The following DNM3 variants were observed in gnomAD, a reference collection of about 807,000 sequenced individuals.
DNM3 encodes dynamin-3.
In DNM3, 47 loss-of-function variants were observed where a neutral mutation model predicts 101.6. That is an observed-to-expected ratio of 0.46 (90% CI 0.37 to 0.59). The LOEUF is 0.59. DNM3 is among the 20% of genes least tolerant of loss of function. The pLI is 0.00. For missense variants in DNM3, 849 were observed against 1,085.7 expected, an observed-to-expected ratio of 0.78 and a Z score of 3.06; for synonymous variants, 385 against 387.9, an observed-to-expected ratio of 0.99 and a Z score of 0.09.
intron 2 of DNM3, among the ~76,000 whole-genome samples, chr1:171,937,671 C>T (rs973628311): frequency 1.3e-5 from 2 of 152,126 alleles, no homozygotes; most frequent in African/African-American, 4.8e-5. Context: ...CCAGGCTCAA[C>T]CTATTATCCT....
chr1:172,036,626 C>A (rs541006416), intron 6 of DNM3, among the ~76,000 whole-genome samples: 162 of 152,220 alleles, frequency 1.1e-3, no homozygotes, highest in African/African-American at 3.9e-3. Flanking sequence ...CTTCCTTACA[C>A]CTTATACAAA....
At chr1:172,324,704 TTTAG>T (rs2065869932) in intron 17 of DNM3, among the ~76,000 whole-genome samples, 1 of 152,192 alleles carries the variant, frequency 6.6e-6, no homozygotes, top group Non-Finnish European at 1.5e-5. Flanking sequence ...AACCAATATT[TTTAG>T]TTCTTATACC....
chr1:172,324,596 A>G (rs930839202), intron 17 of DNM3, among the ~76,000 whole-genome samples: 3 of 152,194 alleles, frequency 2.0e-5, no homozygotes, highest in Admixed American at 2.0e-4. Flanking sequence ...ACAGCAGGTA[A>G]CTTTTGAAAT....
At chr1:172,084,439 A>T (rs16843801) in intron 12 of DNM3, among the ~76,000 whole-genome samples, 2 of 152,118 alleles carry the variant, frequency 1.3e-5, no homozygotes, top group Non-Finnish European at 2.9e-5. Context: ...TTAGCTGCTA[A>T]TATCATTATC....
intron 6 of DNM3, among the ~76,000 whole-genome samples, chr1:172,037,150 C>G (rs12131985): frequency 0.37 from 55,415 of 151,444 alleles, 10,587 homozygotes; most frequent in East Asian, 0.64. Context: ...ACAGGTGCTG[C>G]AGAGGATGTG....
intron 1 of DNM3, among the ~76,000 whole-genome samples, chr1:171,898,864 A>T (rs1424468243): frequency 6.6e-6 from 1 of 151,270 alleles, no homozygotes; most frequent in Non-Finnish European, 1.5e-5. Flanking sequence ...CTCTTTTTGG[A>T]TGTTTATATT....
intron 1 of DNM3, among the ~76,000 whole-genome samples, chr1:171,857,269 A>G (rs1009698726): frequency 6.6e-6 from 1 of 152,196 alleles, no homozygotes; most frequent in African/African-American, 2.4e-5. Flanking sequence ...ACCAGTGGGG[A>G]ATTAATGATT....
chr1:172,392,639 G>C (rs2149090059), intron 20 of DNM3, among the ~76,000 whole-genome samples: 1 of 152,240 alleles, frequency 6.6e-6, no homozygotes, highest in East Asian at 1.9e-4. Flanking sequence ...GTTTTTCCTG[G>C]CAATAATGAA....
chr1:172,344,253 G>A (rs1272965717), intron 17 of DNM3, among the ~76,000 whole-genome samples: 1 of 152,180 alleles, frequency 6.6e-6, no homozygotes, highest in East Asian at 1.9e-4. Flanking sequence ...GAATTAATGG[G>A]ATGAGGAATT....
At chr1:172,091,589 G>T (rs1170432519) in intron 12 of DNM3, among the ~76,000 whole-genome samples, 1 of 152,168 alleles carries the variant, frequency 6.6e-6, no homozygotes. Flanking sequence ...AAGAGCAGAT[G>T]CCAGTGTGGC....
chr1:172,361,455 C>T (rs2067735224), intron 17 of DNM3, among the ~76,000 whole-genome samples: 1 of 151,982 alleles, frequency 6.6e-6, no homozygotes, highest in Non-Finnish European at 1.5e-5. Flanking sequence ...ATCCTGTACT[C>T]TATCCTCAGT....
At chr1:171,981,667 T>G (rs2044804969) in intron 2 of DNM3, among the ~76,000 whole-genome samples, 1 of 152,258 alleles carries the variant, frequency 6.6e-6, no homozygotes, top group South Asian at 2.1e-4. Flanking sequence ...TTTTTAAATA[T>G]TCTCCTTTTT....
intron 1 of DNM3, among the ~76,000 whole-genome samples, chr1:171,874,291 T>G (rs2035561806): frequency 1.3e-5 from 2 of 151,382 alleles, no homozygotes; most frequent in Non-Finnish European, 3.0e-5. Context: ...ATGCATAGTT[T>G]AGTTGATTAG....
intron 4 of DNM3, among the ~76,000 whole-genome samples, chr1:172,029,496 A>G (rs1004186804): frequency 6.6e-6 from 1 of 152,224 alleles, no homozygotes; most frequent in Non-Finnish European, 1.5e-5. Context: ...AAACCGGTAC[A>G]AAACAAGGAT....
intron 15 of DNM3, among the ~76,000 whole-genome samples, chr1:172,266,177 G>T (rs2062851292): frequency 6.6e-6 from 1 of 152,152 alleles, no homozygotes; most frequent in Non-Finnish European, 1.5e-5. Flanking sequence ...TAGCTGGAAA[G>T]AAATTAGAGT....
chr1:172,302,844 A>G (rs1256437164), intron 15 of DNM3, among the ~76,000 whole-genome samples: 1 of 152,140 alleles, frequency 6.6e-6, no homozygotes, highest in African/African-American at 2.4e-5. Flanking sequence ...CATCAACAAA[A>G]AGGACATCCA....
chr1:171,991,396 G>A (rs994478895), intron 4 of DNM3, among the ~76,000 whole-genome samples: 2 of 152,044 alleles, frequency 1.3e-5, no homozygotes, highest in African/African-American at 2.4e-5. Context: ...CCTTCTTCTT[G>A]TGTTCTATTA....
chr1:172,062,866 C>A (rs2051350676), intron 10 of DNM3, among the ~76,000 whole-genome samples: 1 of 152,132 alleles, frequency 6.6e-6, no homozygotes, highest in African/African-American at 2.4e-5. Flanking sequence ...TTTTTCATAG[C>A]AAATGTGTTG....
intron 1 of DNM3, among the ~76,000 whole-genome samples, chr1:171,845,075 C>G (rs2031856721): frequency 6.6e-6 from 1 of 152,158 alleles, no homozygotes; most frequent in South Asian, 2.1e-4. Flanking sequence ...GTAACTCACT[C>G]AAGGATAATT....
Sources: allele counts gnomAD v4.1 joint callset (sites outside exome capture counted in the v4.1 genomes callset), GRCh38; gene constraint gnomAD v4.1.1; transcripts MANE v1.5; gene names NCBI Gene and HGNC (gene_info 2026-07-23, HGNC 2026-07-21).